CENPP: variants seen among roughly 807,000 people sequenced by gnomAD.
The protein encoded by CENPP is centromere protein P.
Under a neutral mutation model 35.6 loss-of-function variants are expected in CENPP, and 24 were observed. That is an observed-to-expected ratio of 0.67 (90% confidence interval 0.49 to 0.95). The LOEUF (loss-of-function observed/expected upper bound fraction) is 0.95, where lower values mean the gene tolerates loss of function less well. CENPP is among the 40% of genes least tolerant of loss of function. The probability of loss-of-function intolerance (pLI) is 0.00; values close to 1 mark genes in which losing one functional copy is unlikely to be tolerated. For synonymous variants in CENPP, 120 were observed against 125.5 expected (o/e 0.96, Z 0.29); for missense variants, 332 against 345.3 (o/e 0.96, Z 0.31).
At chr9:92,357,489 ATT>A (rs1188358603) in intron 4 of CENPP, among the ~76,000 whole-genome samples, 17 of 143,830 alleles carry the variant, frequency 1.2e-4, no homozygotes, top group African/African-American at 2.1e-4. Flanking sequence ...TATTATTATT[ATT>A]ATTATTATTA....
At chr9:92,600,532 C>A (rs1564017101) in intron 5 of CENPP, 2 of 1,612,724 alleles carry the variant, frequency 1.2e-6, no homozygotes, top group East Asian at 2.2e-5. Flanking sequence ...GCTGGGCCAC[C>A]CCACTGGGGC....
intron 5 of CENPP, among the ~76,000 whole-genome samples, chr9:92,532,016 T>G (rs1310369255): frequency 1.9e-5 from 2 of 105,748 alleles, no homozygotes; most frequent in Admixed American, 8.5e-5. Flanking sequence ...TTATTTAATG[T>G]TTTTTTTTTT....
At chr9:92,516,416 C>T (rs1292505970) in intron 5 of CENPP, among the ~76,000 whole-genome samples, 1 of 152,062 alleles carries the variant, frequency 6.6e-6, no homozygotes, top group Non-Finnish European at 1.5e-5. Context: ...AATCATCTGC[C>T]TACTTTTATT....
chr9:92,567,381 T>G lies in CENPP; in HGVS notation c.565-43933T>G, dbSNP rs180731079. On this transcript the variant is annotated intron_variant, in intron 5 of 7. Transcript: ENST00000375587. ...TACAGTTACATAAGATAGATATATATATATATATATATATAGATATATATA... is the reference window on the plus strand; with the variant it reads ...TACAGTTACATAAGATAGATATATAGATATATATATATATAGATATATATA... Among the ~76,000 whole-genome samples, 590 of 80,190 alleles carry G rather than the reference T, an allele frequency of 7.4e-3. 10 individuals carry two copies. Among genetic ancestry groups the G allele is most frequent in the African/African-American group, 0.04 (549 of 13,754 alleles). 52.6% of individuals were successfully genotyped at this position (80,190 alleles called of 152,430 possible).
At chr9:92,595,055 C>T (rs894088247) in intron 5 of CENPP, among the ~76,000 whole-genome samples, 1 of 151,934 alleles carries the variant, frequency 6.6e-6, no homozygotes. Context: ...AGCCACCAAG[C>T]GCAGCTAATT....
chr9:92,505,810 T>A (rs1283255938), intron 5 of CENPP: 13 of 754,584 alleles, frequency 1.7e-5, no homozygotes, highest in South Asian at 2.0e-5. Context: ...CAGTTTTTTT[T>A]AAACCTTTGT....
chr9:92,340,838 C>T (rs1488851911), intron 3 of CENPP, among the ~76,000 whole-genome samples: 2 of 152,022 alleles, frequency 1.3e-5, no homozygotes, highest in Admixed American at 1.3e-4. Context: ...TGTGTTTGAG[C>T]AATATGAAAT....
intron 5 of CENPP, among the ~76,000 whole-genome samples, chr9:92,454,779 G>C (rs1844825375): frequency 6.6e-6 from 1 of 152,092 alleles, no homozygotes; most frequent in Non-Finnish European, 1.5e-5. Flanking sequence ...GTGGTAACTT[G>C]CCCAAGACTA....
Position 92,619,740 on chromosome 9 carries a change from A to G in CENPP, c.*6591A>G. 1 of 630,104 alleles carries G rather than the reference A, an allele frequency of 1.6e-6. No individual in the cohort carries two copies. The highest frequency in any genetic ancestry group is 2.9e-6 in the Non-Finnish European group (1 of 348,774). 39.0% of individuals were successfully genotyped at this position (630,104 alleles called of 1,614,324 possible). On this transcript the variant is annotated 3_prime_UTR_variant, in exon 8 of 8. Transcript: ENST00000375587. ...CGTCAGGAGGTCGCCCTGTGAGAGC[A>G]CCTGGGCCAGCCCTCAGTGCCACGG...
intron 5 of CENPP, among the ~76,000 whole-genome samples, chr9:92,595,563 G>GTTTTGTT (rs1357563118): frequency 3.3e-5 from 5 of 150,726 alleles, no homozygotes; most frequent in Admixed American, 2.6e-4. Flanking sequence ...TTTTGTTTTT[G>GTTTTGTT]TTTTGTTTTT....
intron 5 of CENPP, among the ~76,000 whole-genome samples, chr9:92,601,903 C>T (rs1481976150): frequency 6.6e-6 from 1 of 152,230 alleles, no homozygotes; most frequent in Admixed American, 6.5e-5. Flanking sequence ...GGCTCATGCA[C>T]CTGCACACAC....
At chr9:92,352,275 C>T (rs553241370) in intron 4 of CENPP, among the ~76,000 whole-genome samples, 16 of 149,980 alleles carry the variant, frequency 1.1e-4, no homozygotes, top group South Asian at 1.1e-3. Context: ...GAGGCTGAGG[C>T]ACGAAAATCG....
intron 5 of CENPP, among the ~76,000 whole-genome samples, chr9:92,439,789 T>C (rs1844341081): frequency 6.6e-6 from 1 of 152,258 alleles, no homozygotes; most frequent in African/African-American, 2.4e-5. Flanking sequence ...TTATGTAATA[T>C]TACTACAAGT....
intron 4 of CENPP, among the ~76,000 whole-genome samples, chr9:92,346,268 C>T (rs1841292323): frequency 6.6e-6 from 1 of 152,180 alleles, no homozygotes; most frequent in South Asian, 2.1e-4. Context: ...CTCAAGCAGT[C>T]CTCCTGCCTT....
chr9:92,570,813 G>T (rs1217320621), intron 5 of CENPP, among the ~76,000 whole-genome samples: 1 of 152,166 alleles, frequency 6.6e-6, no homozygotes, highest in Non-Finnish European at 1.5e-5. Context: ...TTGGGAGGGT[G>T]TATGTGTCCA....
At chr9:92,422,177 A>G (rs985512411) in intron 5 of CENPP, among the ~76,000 whole-genome samples, 3 of 151,836 alleles carry the variant, frequency 2.0e-5, no homozygotes, top group Non-Finnish European at 4.4e-5. Context: ...CAGCCTCCTG[A>G]GTAGCTGGGA....
At chr9:92,442,398 CAAAA>C (rs71362387) in intron 5 of CENPP, among the ~76,000 whole-genome samples, 1 of 74,480 alleles carries the variant, frequency 1.3e-5, no homozygotes, top group Non-Finnish European at 2.8e-5. Context: ...AACTCTGTCT[CAAAA>C]AAAAAAAAAA....
chr9:92,375,171 T>C (rs765986753), intron 4 of CENPP, among the ~76,000 whole-genome samples: 2 of 152,236 alleles, frequency 1.3e-5, no homozygotes, highest in Non-Finnish European at 2.9e-5. Flanking sequence ...ACTTTCATTA[T>C]GTATATGTTA....
chr9:92,538,944 G>T (rs905942693), intron 5 of CENPP: 6 of 151,846 alleles, frequency 4.0e-5, no homozygotes, highest in Non-Finnish European at 7.4e-5. Context: ...ATAAATTGGG[G>T]TTTTTTTTAA....
Sources: allele counts gnomAD v4.1 joint callset (sites outside exome capture counted in the v4.1 genomes callset), GRCh38; gene constraint gnomAD v4.1.1; transcripts MANE v1.5; gene names NCBI Gene and HGNC (gene_info 2026-07-23, HGNC 2026-07-21).